Variants in TASP1 observed in about 807,000 individuals in gnomAD.
The protein encoded by TASP1 is threonine aspartase 1.
In TASP1, 16 loss-of-function variants were observed where a neutral mutation model predicts 56.6. The ratio of observed to expected loss-of-function variants is 0.28; its 90% CI spans 0.19 to 0.43. The LOEUF (loss-of-function observed/expected upper bound fraction) is 0.43, where lower values mean the gene tolerates loss of function less well. Ranked by LOEUF, TASP1 falls within the 20% of genes least tolerant of loss-of-function variation. TASP1 has a pLI of 1.00. For synonymous variants in TASP1, 179 were observed against 184.2 expected (o/e 0.97, Z 0.23); for missense variants, 393 against 511.6 (o/e 0.77, Z 2.24).
the TASP1 span, among the ~76,000 whole-genome samples, chr20:13,246,130 G>A: frequency 5.9e-5 from 9 of 152,084 alleles, no homozygotes; most frequent in South Asian, 6.2e-4. Flanking sequence ...AGAATTAGTC[G>A]GGCATGGTGG....
intron 6 of TASP1, among the ~76,000 whole-genome samples, chr20:13,571,915 T>C (rs1369266941): frequency 6.6e-6 from 1 of 152,128 alleles, no homozygotes; most frequent in East Asian, 1.9e-4. Flanking sequence ...GTCTGGCTCT[T>C]TCCCTATTTC....
intron 10 of TASP1, among the ~76,000 whole-genome samples, chr20:13,517,805 G>A (rs1281008516): frequency 1.3e-5 from 2 of 151,982 alleles, no homozygotes; most frequent in Admixed American, 6.6e-5. Context: ...TATATAAAAA[G>A]CAAGAAGCAA....
At chr20:13,111,457 C>T in the TASP1 span, among the ~76,000 whole-genome samples, 1 of 152,188 alleles carries the variant, frequency 6.6e-6, no homozygotes, top group Admixed American at 6.5e-5. Flanking sequence ...AAGCATCCTA[C>T]GATGCATGGG....
chr20:13,164,357 G>A, the TASP1 span: 2 of 472,346 alleles, frequency 4.2e-6, no homozygotes, highest in Non-Finnish European at 8.8e-6. Context: ...TCTTGGCCAG[G>A]TGATTTGCTG....
chr20:13,143,846 T>C, the TASP1 span, among the ~76,000 whole-genome samples: 2 of 152,234 alleles, frequency 1.3e-5, no homozygotes, highest in African/African-American at 4.8e-5. Flanking sequence ...TTTGTCTTCT[T>C]GCCACAAATT....
the TASP1 span, among the ~76,000 whole-genome samples, chr20:13,342,772 C>T: frequency 1.3e-5 from 2 of 152,150 alleles, no homozygotes; most frequent in Non-Finnish European, 2.9e-5. Context: ...AATGAAATCA[C>T]ACCCTCCCTT....
the TASP1 span, among the ~76,000 whole-genome samples, chr20:13,367,792 G>C: frequency 6.6e-6 from 1 of 152,152 alleles, no homozygotes; most frequent in Non-Finnish European, 1.5e-5. Context: ...GCCCAAGTTA[G>C]AATGCTGAAG....
At chr20:13,291,934 A>C in the TASP1 span, among the ~76,000 whole-genome samples, 2 of 152,200 alleles carry the variant, frequency 1.3e-5, no homozygotes, top group African/African-American at 4.8e-5. Flanking sequence ...CAGATGTAAA[A>C]ACTGAGGCAC....
At chr20:13,156,046 T>A in the TASP1 span, among the ~76,000 whole-genome samples, 35,378 of 152,046 alleles carry the variant, frequency 0.23, 4,470 homozygotes, top group South Asian at 0.44. Flanking sequence ...ACCATCTGAT[T>A]TTTGAAGACA....
the TASP1 span, among the ~76,000 whole-genome samples, chr20:13,289,195 C>T: frequency 1.3e-5 from 2 of 152,072 alleles, no homozygotes; most frequent in South Asian, 2.1e-4. Flanking sequence ...AAGACAATGT[C>T]GCATTGTACT....
intron 10 of TASP1, among the ~76,000 whole-genome samples, chr20:13,485,163 T>A (rs747099196): frequency 3.3e-5 from 5 of 152,148 alleles, no homozygotes; most frequent in Non-Finnish European, 7.3e-5. Flanking sequence ...CAGGAGCCAT[T>A]AGGACCTTCA....
chr20:13,441,594 G>A (rs976562328), intron 11 of TASP1, among the ~76,000 whole-genome samples: 1 of 152,220 alleles, frequency 6.6e-6, no homozygotes, highest in African/African-American at 2.4e-5. Flanking sequence ...AGGGAAGAGA[G>A]GATAGAACAT....
At chr20:13,362,011 C>T in the TASP1 span, among the ~76,000 whole-genome samples, 2 of 149,848 alleles carry the variant, frequency 1.3e-5, 1 homozygote, top group Admixed American at 1.3e-4. Flanking sequence ...TCATTCTATA[C>T]CACAAATGTT....
intron 1 of TASP1, among the ~76,000 whole-genome samples, chr20:13,631,532 G>A (rs1370240756): frequency 2.6e-5 from 4 of 152,158 alleles, no homozygotes; most frequent in African/African-American, 9.7e-5. Flanking sequence ...TCATCTGTCA[G>A]CCTATAATGC....
At chr20:13,270,877 T>C in the TASP1 span, 1 of 812,938 alleles carries the variant, frequency 1.2e-6, no homozygotes, top group Non-Finnish European at 1.9e-6. Flanking sequence ...AAGATCATGT[T>C]ATCTCCATAA....
rs532535849 is a variant in TASP1 at position 13,552,327 on chromosome 20, G to A, written c.675+6681C>T. Among the ~76,000 whole-genome samples the A allele has an allele frequency of 5.3e-5, 8 of 152,254 alleles. 1 individual carries two copies. Among genetic ancestry groups the A allele is most frequent in the African/African-American group, 1.4e-4 (6 of 41,546 alleles). On this transcript the variant is annotated intron_variant, in intron 8 of 13. Coordinates refer to ENST00000337743, the MANE Select transcript of TASP1 (RefSeq NM_017714.3). ...ATGTGTCACTGTGCAAAGACAGCAG[G>A]TGGAAACGTTGCCTCTCTGTCTCTA...
At chr20:13,471,458 T>G (rs140748167) in intron 11 of TASP1, among the ~76,000 whole-genome samples, 1 of 152,132 alleles carries the variant, frequency 6.6e-6, no homozygotes, top group Admixed American at 6.5e-5. Flanking sequence ...TGTAATTCCA[T>G]GTCCTTCAGA....
chr20:13,485,638 C>A (rs2043297885), intron 10 of TASP1, among the ~76,000 whole-genome samples: 1 of 152,112 alleles, frequency 6.6e-6, no homozygotes, highest in Admixed American at 6.5e-5. Context: ...TTGTGGCATT[C>A]CCTATTCAGT....
chr20:13,172,349 T>C, the TASP1 span, among the ~76,000 whole-genome samples: 1 of 152,172 alleles, frequency 6.6e-6, no homozygotes, highest in Non-Finnish European at 1.5e-5. Flanking sequence ...TACTGAATAT[T>C]ATAAACATGG....
Sources: gnomAD v4.1 joint callset for allele counts (sites outside exome capture counted in the v4.1 genomes callset) on GRCh38, gnomAD v4.1.1 for gene constraint, MANE v1.5 for transcripts, NCBI Gene and HGNC (gene_info 2026-07-23, HGNC 2026-07-21) for gene names.